The following LRRC63 variants were observed in gnomAD, a reference collection of about 807,000 sequenced individuals.
LRRC63 encodes the protein leucine-rich repeat-containing protein 63.
In LRRC63, 40 loss-of-function variants were observed where a neutral mutation model predicts 49.5. The ratio of observed to expected loss-of-function variants is 0.81; its 90% confidence interval spans 0.63 to 1.05. The LOEUF (loss-of-function observed/expected upper bound fraction) is 1.05, where lower values mean the gene tolerates loss of function less well. Ranked by LOEUF, LRRC63 falls within the 50% of genes least tolerant of loss-of-function variation. The pLI, the probability that LRRC63 is intolerant of heterozygous loss-of-function variation, is 0.00. For synonymous variants in LRRC63, 191 were observed against 221.1 expected, an observed-to-expected ratio of 0.86 and a Z score of 1.21; for missense variants, 636 against 663.1, an observed-to-expected ratio of 0.96 and a Z score of 0.45.
At chr13:46,254,574 A>G (rs1264170468) in intron 7 of LRRC63, among the ~76,000 whole-genome samples, 2 of 152,210 alleles carry the variant, frequency 1.3e-5, no homozygotes, top group Non-Finnish European at 2.9e-5. Flanking sequence ...AGATTTATTT[A>G]GCTCCTATAA....
intron 7 of LRRC63, among the ~76,000 whole-genome samples, chr13:46,252,366 T>C (rs2138533813): frequency 6.6e-6 from 1 of 152,106 alleles, no homozygotes; most frequent in East Asian, 1.9e-4. Context: ...GTAATATATT[T>C]GAGATATTCT....
intron 8 of LRRC63, among the ~76,000 whole-genome samples, chr13:46,263,532 T>C (rs981503047): frequency 2.6e-5 from 4 of 152,154 alleles, no homozygotes; most frequent in African/African-American, 7.2e-5. Flanking sequence ...TTTTCTTTAA[T>C]ATTTTATAAA....
At chr13:46,244,997 A>C (rs1314346286) in intron 5 of LRRC63, among the ~76,000 whole-genome samples, 1 of 152,228 alleles carries the variant, frequency 6.6e-6, no homozygotes, top group East Asian at 1.9e-4. Context: ...CTGATGGTTA[A>C]AAAGTAAAAC....
chr13:46,266,797 C>A, exon 9 of LRRC63: 1 of 1,550,032 alleles, frequency 6.5e-7, no homozygotes, highest in Non-Finnish European at 8.7e-7. Context: ...AATTTTGAAG[C>A]TTAACCTGAC....
intron 6 of LRRC63, among the ~76,000 whole-genome samples, chr13:46,247,022 A>C (rs1205261277): frequency 6.6e-6 from 1 of 152,206 alleles, no homozygotes; most frequent in Non-Finnish European, 1.5e-5. Flanking sequence ...TATTCTGCTT[A>C]ATAAAATGTA....
intron 1 of LRRC63, among the ~76,000 whole-genome samples, chr13:46,212,510 T>C (rs1367642233): frequency 1.3e-5 from 2 of 152,238 alleles, no homozygotes; most frequent in African/African-American, 4.8e-5. Flanking sequence ...CAAGCCATTA[T>C]AGAAAGAAAA....
At chr13:46,237,582 G>T (rs191751842) in intron 5 of LRRC63, among the ~76,000 whole-genome samples, 5 of 151,674 alleles carry the variant, frequency 3.3e-5, no homozygotes, top group Admixed American at 6.6e-5. Context: ...ACAGAAGGAA[G>T]AAAACAATAA....
At chr13:46,269,231 A>T (rs1316293340) in intron 9 of LRRC63, among the ~76,000 whole-genome samples, 5 of 151,872 alleles carry the variant, frequency 3.3e-5, no homozygotes, top group Admixed American at 3.3e-4. Context: ...AAACCCTAAC[A>T]TAAAAGCCTT....
At position 46,236,796 on chromosome 13, in the gene LRRC63, C is replaced by T. The variant is rs189325225; in HGVS notation, c.990+2447C>T. On this transcript the variant is annotated intron_variant, in intron 5 of 9. Coordinates refer to ENST00000595396, the Ensembl canonical transcript of LRRC63. ...TAAAAGTCAGTATTATTTTGGTTATCGGTTTATATTACTTTTTCTTTCTTA... is the reference window on the plus strand; with the variant it reads ...TAAAAGTCAGTATTATTTTGGTTATTGGTTTATATTACTTTTTCTTTCTTA... Among the ~76,000 whole-genome samples the T allele has an allele frequency of 4.6e-5, 7 of 152,156 alleles. No individual in the cohort carries two copies. The South Asian group carries it at 6.2e-4, about 14-fold the overall frequency.
chr13:46,241,170 A>G (rs185291619), intron 5 of LRRC63, among the ~76,000 whole-genome samples: 86 of 152,362 alleles, frequency 5.6e-4, no homozygotes, highest in African/African-American at 1.8e-3. Flanking sequence ...ATAAGGCTGC[A>G]TACCTACAAC....
chr13:46,276,223 T>TA (rs1365046484), intron 9 of LRRC63, among the ~76,000 whole-genome samples: 8 of 151,028 alleles, frequency 5.3e-5, no homozygotes, highest in Non-Finnish European at 1.5e-5. Flanking sequence ...TTTTGTATCA[T>TA]AAAAAATAAC....
At chr13:46,216,943 T>A (rs1409137016) in intron 2 of LRRC63, among the ~76,000 whole-genome samples, 1 of 152,222 alleles carries the variant, frequency 6.6e-6, no homozygotes, top group Non-Finnish European at 1.5e-5. Flanking sequence ...CAGCCTTGCA[T>A]GCCAGGGATG....
At chr13:46,215,322 G>GT (rs1286285362) in intron 2 of LRRC63, among the ~76,000 whole-genome samples, 1 of 152,120 alleles carries the variant, frequency 6.6e-6, no homozygotes, top group African/African-American at 2.4e-5. Flanking sequence ...GCGTGAGATG[G>GT]TATGTCATTG....
intron 5 of LRRC63, among the ~76,000 whole-genome samples, chr13:46,234,902 T>C (rs1268488456): frequency 2.6e-5 from 4 of 152,174 alleles, no homozygotes; most frequent in African/African-American, 9.6e-5. Context: ...GGCCTCAAAA[T>C]CAATGCTTTT....
chr13:46,236,972 A>T (rs531667584), intron 5 of LRRC63, among the ~76,000 whole-genome samples: 1 of 152,188 alleles, frequency 6.6e-6, no homozygotes, highest in East Asian at 1.9e-4. Flanking sequence ...ATTTGGTATC[A>T]ATCCAAACTA....
chr13:46,251,503 G>A (rs955386482), intron 7 of LRRC63, among the ~76,000 whole-genome samples: 2 of 151,776 alleles, frequency 1.3e-5, no homozygotes, highest in African/African-American at 2.4e-5. Flanking sequence ...GACACTATCT[G>A]CCATTTCTCT....
exon 1 of LRRC63, chr13:46,212,164 C>G (rs1178832934): frequency 6.6e-6 from 1 of 152,266 alleles, no homozygotes; most frequent in African/African-American, 2.4e-5. Flanking sequence ...TTCCATGCCC[C>G]TCTTTGGGTA....
chr13:46,273,622 A>G (rs1056668546), intron 9 of LRRC63, among the ~76,000 whole-genome samples: 26 of 135,440 alleles, frequency 1.9e-4, no homozygotes, highest in African/African-American at 7.4e-4. Context: ...AAAAAAAAAG[A>G]GTAGCGGTGG....
chr13:46,276,274 T>C (rs566109583), intron 9 of LRRC63, among the ~76,000 whole-genome samples: 131 of 151,484 alleles, frequency 8.6e-4, no homozygotes, highest in Non-Finnish European at 1.6e-3. Context: ...AAACACATTA[T>C]AAAGAAACAT....
Sources: allele counts gnomAD v4.1 joint callset (sites outside exome capture counted in the v4.1 genomes callset), GRCh38; gene constraint gnomAD v4.1.1; transcripts MANE v1.5; gene names NCBI Gene and HGNC (gene_info 2026-07-23, HGNC 2026-07-21).